The following LRP1B variants were observed in gnomAD, a reference collection of about 807,000 sequenced individuals.
LRP1B encodes the protein low-density lipoprotein receptor-related protein 1B.
A neutral mutation model predicts 556.6 loss-of-function variants in LRP1B; 217 were observed. The ratio of observed to expected loss-of-function variants is 0.39; its 90% CI spans 0.35 to 0.44. LRP1B has a LOEUF of 0.44. Among genes scored for constraint, LRP1B ranks in the 20% least tolerant of loss-of-function variants. The pLI, the probability that LRP1B is intolerant of heterozygous loss-of-function variation, is 1.00. For synonymous variants in LRP1B, 2,047 were observed against 1,865.8 expected, an observed-to-expected ratio of 1.10 and a Z score of -2.50; for missense variants, 5,053 against 5,620.8, an observed-to-expected ratio of 0.90 and a Z score of 3.23.
intron 86 of LRP1B, among the ~76,000 whole-genome samples, chr2:140,252,880 A>G (rs1429328877): frequency 6.6e-6 from 1 of 152,082 alleles, no homozygotes; most frequent in Non-Finnish European, 1.5e-5. Flanking sequence ...TTCATCTAAA[A>G]TGTATAAACA....
intron 3 of LRP1B, among the ~76,000 whole-genome samples, chr2:141,285,708 G>A (rs992036206): frequency 6.8e-6 from 1 of 146,478 alleles, no homozygotes; most frequent in African/African-American, 2.5e-5. Context: ...CGCCCACCTC[G>A]GCCTCCCAAA....
intron 2 of LRP1B, among the ~76,000 whole-genome samples, chr2:141,642,872 C>T (rs1255231322): frequency 6.6e-6 from 1 of 152,098 alleles, no homozygotes; most frequent in Non-Finnish European, 1.5e-5. Flanking sequence ...TTTACCTAAA[C>T]TGAGTCAACT....
At chr2:141,716,417 G>C (rs530936347) in intron 2 of LRP1B, among the ~76,000 whole-genome samples, 63 of 152,232 alleles carry the variant, frequency 4.1e-4, no homozygotes, top group African/African-American at 1.5e-3. Context: ...TTGCAAAAGT[G>C]ACAATATGTA....
At chr2:141,951,595 T>G (rs1701107307) in intron 1 of LRP1B, among the ~76,000 whole-genome samples, 1 of 152,170 alleles carries the variant, frequency 6.6e-6, no homozygotes, top group African/African-American at 2.4e-5. Context: ...AAGGATGAAT[T>G]AAGAGTCAAA....
intron 82 of LRP1B, among the ~76,000 whole-genome samples, chr2:140,319,654 G>GA (rs1278516814): frequency 1.3e-5 from 2 of 152,122 alleles, no homozygotes; most frequent in African/African-American, 2.4e-5. Context: ...AGAGGATTGG[G>GA]AAAAATAACT....
At chr2:141,813,860 G>T (rs1696438307) in intron 1 of LRP1B, among the ~76,000 whole-genome samples, 1 of 152,268 alleles carries the variant, frequency 6.6e-6, no homozygotes, top group Admixed American at 6.5e-5. Flanking sequence ...CAGAAAAGGT[G>T]TCAGCAGCAA....
At chr2:140,445,983 A>G (rs1686642633) in intron 63 of LRP1B, among the ~76,000 whole-genome samples, 1 of 152,198 alleles carries the variant, frequency 6.6e-6, no homozygotes, top group Non-Finnish European at 1.5e-5. Context: ...TGCTTTTATA[A>G]TTACAATATT....
chr2:141,388,388 A>T (rs1689916512), intron 3 of LRP1B, among the ~76,000 whole-genome samples: 2 of 152,184 alleles, frequency 1.3e-5, no homozygotes. Context: ...GTGAGCCAAG[A>T]TGGCGCCACT....
chr2:141,331,541 T>TTTCTTTTTCTTTC (rs1687657263), intron 3 of LRP1B, among the ~76,000 whole-genome samples: 1 of 144,648 alleles, frequency 6.9e-6, no homozygotes, highest in Non-Finnish European at 1.5e-5. Context: ...TCTTTCTTTC[T>TTTCTTTTTCTTTC]TTCTTTCTTT....
intron 7 of LRP1B, among the ~76,000 whole-genome samples, chr2:141,081,238 G>A (rs946526204): frequency 6.6e-6 from 1 of 152,092 alleles, no homozygotes; most frequent in African/African-American, 2.4e-5. Context: ...AATATACAGG[G>A]TTTGATACTA....
At chr2:140,348,032 T>G (rs1185744519) in intron 77 of LRP1B, among the ~76,000 whole-genome samples, 1 of 152,008 alleles carries the variant, frequency 6.6e-6, no homozygotes. Flanking sequence ...TAAACACAAA[T>G]TGTCCAGATA....
At chr2:140,588,265 C>A (rs1345308227) in intron 43 of LRP1B, among the ~76,000 whole-genome samples, 3 of 152,036 alleles carry the variant, frequency 2.0e-5, no homozygotes, top group Non-Finnish European at 4.4e-5. Flanking sequence ...CAGAGTAAAT[C>A]TTGAAGATAA....
intron 72 of LRP1B, among the ~76,000 whole-genome samples, chr2:140,360,635 T>TA (rs1234858814): frequency 3.3e-5 from 5 of 151,606 alleles, no homozygotes; most frequent in Non-Finnish European, 7.4e-5. Context: ...GATCTCCATT[T>TA]AAATTCATTC....
chr2:140,591,039 A>C (rs1682203124), intron 43 of LRP1B, among the ~76,000 whole-genome samples: 2 of 152,218 alleles, frequency 1.3e-5, no homozygotes, highest in Admixed American at 6.5e-5. Flanking sequence ...GAAAGTTATA[A>C]AGATCATTTT....
chr2:140,941,146 T>C (rs1199620495), intron 20 of LRP1B, among the ~76,000 whole-genome samples: 1 of 152,168 alleles, frequency 6.6e-6, no homozygotes, highest in Non-Finnish European at 1.5e-5. Context: ...AAAGCGGGTA[T>C]AAATTAATCT....
At chr2:141,789,201 T>G (rs1055404105) in intron 2 of LRP1B, among the ~76,000 whole-genome samples, 2 of 151,976 alleles carry the variant, frequency 1.3e-5, no homozygotes, top group Non-Finnish European at 2.9e-5. Flanking sequence ...GGATAAGGAT[T>G]GAAGAAAACT....
At chr2:141,615,173 G>T (rs1390588029) in intron 2 of LRP1B, among the ~76,000 whole-genome samples, 2 of 152,178 alleles carry the variant, frequency 1.3e-5, no homozygotes, top group Non-Finnish European at 2.9e-5. Flanking sequence ...GGAGAGGAAG[G>T]TAAATCGGTT....
chr2:141,460,934 T>C (rs967613922), intron 3 of LRP1B, among the ~76,000 whole-genome samples: 2 of 151,884 alleles, frequency 1.3e-5, no homozygotes, highest in Admixed American at 6.6e-5. Flanking sequence ...AATTAGAACT[T>C]GGGTCTGTTG....
chr2:140,489,095 T>C (rs1475071477), intron 57 of LRP1B, among the ~76,000 whole-genome samples: 2 of 152,044 alleles, frequency 1.3e-5, no homozygotes, highest in East Asian at 1.9e-4. Context: ...GGGTGTCCTA[T>C]GTATAGCAGC....
Sources: allele counts gnomAD v4.1 joint callset (sites outside exome capture counted in the v4.1 genomes callset), GRCh38; gene constraint gnomAD v4.1.1; transcripts MANE v1.5; gene names NCBI Gene and HGNC (gene_info 2026-07-23, HGNC 2026-07-21).